The following RBFOX1 variants were observed in gnomAD, a reference collection of about 807,000 sequenced individuals.
RBFOX1 encodes RNA binding fox-1 homolog 1.
Under a neutral mutation model 57.7 loss-of-function variants are expected in RBFOX1, and 8 were observed. The observed-to-expected ratio is 0.14, with a 90% CI of 0.08 to 0.25. The LOEUF (loss-of-function observed/expected upper bound fraction) is 0.25, where lower values mean the gene tolerates loss of function less well. Among genes scored for constraint, RBFOX1 ranks in the 10% least tolerant of loss-of-function variants. The pLI, the probability that RBFOX1 is intolerant of heterozygous loss-of-function variation, is 1.00. For missense variants in RBFOX1, 611 were observed against 548.5 expected, an observed-to-expected ratio of 1.11 and a Z score of -1.14; for synonymous variants, 326 against 222.4, an observed-to-expected ratio of 1.47 and a Z score of -4.15.
At chr16:6,063,674 A>G (rs913403330) in intron 1 of RBFOX1, among the ~76,000 whole-genome samples, 1 of 152,178 alleles carries the variant, frequency 6.6e-6, no homozygotes, top group Admixed American at 6.5e-5. Flanking sequence ...TGTATTCATT[A>G]TAATGCCATT....
intron 1 of RBFOX1, among the ~76,000 whole-genome samples, chr16:5,285,585 A>G (rs1259766363): frequency 6.6e-6 from 1 of 152,142 alleles, no homozygotes; most frequent in African/African-American, 2.4e-5. Context: ...ACTTCTTCCA[A>G]TTTTATGGAT....
At chr16:5,625,995 G>A (rs2048339576) in intron 3 of RBFOX1, among the ~76,000 whole-genome samples, 1 of 152,174 alleles carries the variant, frequency 6.6e-6, no homozygotes, top group African/African-American at 2.4e-5. Flanking sequence ...TCCTGCCTCA[G>A]CCTCCCATGT....
chr16:5,294,588 G>A (rs1250448432), intron 1 of RBFOX1, among the ~76,000 whole-genome samples: 3 of 152,130 alleles, frequency 2.0e-5, no homozygotes, highest in Non-Finnish European at 4.4e-5. Flanking sequence ...AGAATCTTGT[G>A]GGTGGGGCCG....
At chr16:6,866,831 C>T (rs929730919) in intron 3 of RBFOX1, among the ~76,000 whole-genome samples, 2 of 151,848 alleles carry the variant, frequency 1.3e-5, no homozygotes, top group African/African-American at 2.4e-5. Flanking sequence ...CAGGAGCCAC[C>T]GCGCCCAGCT....
chr16:7,182,338 T>TA (rs2082887590), intron 4 of RBFOX1, among the ~76,000 whole-genome samples: 1 of 152,030 alleles, frequency 6.6e-6, no homozygotes, highest in African/African-American at 2.4e-5. Flanking sequence ...GACCAAAAAG[T>TA]AAAAAGCATC....
In RBFOX1 at chr16:5,644,919, C is replaced by T. The variant is rs533030025; in HGVS notation, c.318+45958C>T. ...GGGTATATACCTGAGAAGAATGAAA[C>T]GCTCGCACATGCCATGGCATGGATG... On this transcript the variant is annotated intron_variant, in intron 3 of 19. Transcript: ENST00000641259. Among the ~76,000 whole-genome samples the T allele has an allele frequency of 4.6e-5, 7 of 152,012 alleles. No homozygotes were observed. In the South Asian group the frequency reaches 1.0e-3, roughly 23 times the overall value.
At chr16:5,368,316 C>A (rs2065776018) in intron 1 of RBFOX1, among the ~76,000 whole-genome samples, 1 of 152,164 alleles carries the variant, frequency 6.6e-6, no homozygotes, top group Non-Finnish European at 1.5e-5. Context: ...ACAATGAAAA[C>A]CTCCCAGTTC....
At chr16:5,749,360 C>G (rs567145315) in intron 3 of RBFOX1, among the ~76,000 whole-genome samples, 1 of 152,166 alleles carries the variant, frequency 6.6e-6, no homozygotes, top group East Asian at 1.9e-4. Flanking sequence ...TTGCTCTTCT[C>G]GAGGAGTATC....
intron 3 of RBFOX1, among the ~76,000 whole-genome samples, chr16:5,734,425 C>CA (rs950855940): frequency 2.0e-5 from 3 of 152,022 alleles, no homozygotes; most frequent in African/African-American, 7.3e-5. Flanking sequence ...AAGATTCTGC[C>CA]AAAAAATAAA....
intron 1 of RBFOX1, among the ~76,000 whole-genome samples, chr16:6,125,495 A>G (rs1417968087): frequency 6.6e-6 from 1 of 152,164 alleles, no homozygotes; most frequent in Non-Finnish European, 1.5e-5. Context: ...GATGTTTTAC[A>G]AGGGGCCCTA....
At chr16:5,705,558 A>G (rs1486324829) in intron 3 of RBFOX1, among the ~76,000 whole-genome samples, 1 of 152,224 alleles carries the variant, frequency 6.6e-6, no homozygotes, top group African/African-American at 2.4e-5. Context: ...TGACATTAGT[A>G]CACACAATTT....
intron 3 of RBFOX1, among the ~76,000 whole-genome samples, chr16:6,948,083 A>G (rs1257310824): frequency 1.3e-5 from 2 of 152,106 alleles, no homozygotes; most frequent in South Asian, 2.1e-4. Context: ...CCTGGCCTAC[A>G]TATTCTCATT....
chr16:6,447,991 TC>T (rs2094518626), intron 2 of RBFOX1, among the ~76,000 whole-genome samples: 2 of 152,104 alleles, frequency 1.3e-5, no homozygotes, highest in Admixed American at 1.3e-4. Flanking sequence ...TCTCTCTCTC[TC>T]TCATAATAAC....
chr16:6,642,798 A>G (rs1033766344), intron 2 of RBFOX1, among the ~76,000 whole-genome samples: 2 of 152,152 alleles, frequency 1.3e-5, no homozygotes, highest in African/African-American at 4.8e-5. Flanking sequence ...CAGAGAAAAT[A>G]TCCCCTTAGG....
chr16:5,827,197 C>G (rs1437337588), intron 3 of RBFOX1, among the ~76,000 whole-genome samples: 1 of 151,984 alleles, frequency 6.6e-6, no homozygotes, highest in Non-Finnish European at 1.5e-5. Context: ...GTCAAGAATT[C>G]GAGACCAGCC....
intron 2 of RBFOX1, among the ~76,000 whole-genome samples, chr16:5,558,651 G>A (rs1282283116): frequency 1.3e-5 from 2 of 152,134 alleles, no homozygotes; most frequent in South Asian, 4.2e-4. Flanking sequence ...TCTTGAGCAA[G>A]CTCCATGGCT....
chr16:7,380,874 T>C (rs2097772215), intron 4 of RBFOX1, among the ~76,000 whole-genome samples: 1 of 152,214 alleles, frequency 6.6e-6, no homozygotes, highest in Non-Finnish European at 1.5e-5. Context: ...AAGATGTTAG[T>C]GTTTTTCAAG....
At chr16:7,125,784 G>C (rs989704746) in intron 4 of RBFOX1, among the ~76,000 whole-genome samples, 2 of 151,984 alleles carry the variant, frequency 1.3e-5, no homozygotes, top group African/African-American at 4.8e-5. Context: ...AACGATTAAG[G>C]TTTAATTTAC....
chr16:5,244,393 G>A (rs560633808), intron 1 of RBFOX1, among the ~76,000 whole-genome samples: 1 of 152,146 alleles, frequency 6.6e-6, no homozygotes, highest in Non-Finnish European at 1.5e-5. Context: ...CACCACATCC[G>A]CCTGGTTCTC....
Sources: gnomAD v4.1 joint callset for allele counts (sites outside exome capture counted in the v4.1 genomes callset) on GRCh38, gnomAD v4.1.1 for gene constraint, MANE v1.5 for transcripts, NCBI Gene and HGNC (gene_info 2026-07-23, HGNC 2026-07-21) for gene names.